Variants in PHLPP1 observed in about 807,000 individuals in gnomAD.
PHLPP1 encodes PH domain leucine-rich repeat-containing protein phosphatase 1.
Under a neutral mutation model 117.2 loss-of-function variants are expected in PHLPP1, and 42 were observed. That is an observed-to-expected ratio of 0.36 (90% CI 0.28 to 0.46). PHLPP1 has a LOEUF of 0.46. Among genes scored for constraint, PHLPP1 ranks in the 20% least tolerant of loss-of-function variants. The pLI, the probability that PHLPP1 is intolerant of heterozygous loss-of-function variation, is 1.00. For missense variants in PHLPP1, 2,084 were observed against 2,241.9 expected (o/e 0.93, Z 1.42); for synonymous variants, 1,042 against 970.7 (o/e 1.07, Z -1.37).
chr18:62,881,529 A>AGTT (rs1599100012), intron 4 of PHLPP1, among the ~76,000 whole-genome samples: 1 of 152,212 alleles, frequency 6.6e-6, no homozygotes, highest in East Asian at 1.9e-4. Context: ...TTTGTTTTCT[A>AGTT]GTTATATGAA....
At chr18:62,722,146 T>A (rs775965338) in intron 1 of PHLPP1, among the ~76,000 whole-genome samples, 3 of 152,212 alleles carry the variant, frequency 2.0e-5, no homozygotes, top group Non-Finnish European at 4.4e-5. Context: ...ATTAATATCT[T>A]CTATTTCACG....
chr18:62,766,075 AAATATAT>A lies in PHLPP1; in HGVS notation c.1576+48818_1576+48824del, dbSNP rs1462536005. ...GACTCCATCTCAAAAAAAAAAAAAAAAATATATATATATATATATATATATATAAAAT... is the reference window on the plus strand; with the variant it reads ...GACTCCATCTCAAAAAAAAAAAAAAAATATATATATATATATATATAAAAT... On this transcript the variant is annotated intron_variant, in intron 1 of 16. Coordinates refer to ENST00000262719, the MANE Select transcript of PHLPP1 (RefSeq NM_194449.4). 4.1e-3 allele frequency among the ~76,000 whole-genome samples: 204 copies of A among 49,578 alleles called. 2 individuals are homozygous for A. Among genetic ancestry groups the A allele is most frequent in the African/African-American group, 0.011 (181 of 16,790 alleles). The allele number at this position is 49,578 out of a possible 152,430, so 32.5% of individuals were successfully genotyped here. A position where few individuals can be genotyped will look rare whatever the true frequency, so the allele number is the denominator to read the frequency against.
intron 4 of PHLPP1, among the ~76,000 whole-genome samples, chr18:62,867,343 G>A (rs1381142943): frequency 2.6e-5 from 4 of 151,874 alleles, no homozygotes; most frequent in African/African-American, 9.7e-5. Context: ...ATTGTCTCAC[G>A]CCCCATCTAC....
At chr18:62,895,635 T>C (rs35890578) in intron 5 of PHLPP1, 146 bp from the exon 6 acceptor site, 47,470 of 612,618 alleles carry the variant, frequency 0.077, 2,263 homozygotes, top group Non-Finnish European at 0.096. Flanking sequence ...TTTGGTCCAT[T>C]ATTGCCTCAG....
chr18:62,875,612 C>T (rs145345578), intron 4 of PHLPP1, among the ~76,000 whole-genome samples: 130 of 152,152 alleles, frequency 8.5e-4, no homozygotes, highest in African/African-American at 3.0e-3. Flanking sequence ...CATAAATGAA[C>T]GCACTCTTGA....
At chr18:62,771,755 C>T (rs1477602305) in intron 1 of PHLPP1, among the ~76,000 whole-genome samples, 1 of 152,194 alleles carries the variant, frequency 6.6e-6, no homozygotes, top group Non-Finnish European at 1.5e-5. Context: ...TTAGACATCT[C>T]TCTTTGATTT....
At chr18:62,787,230 T>G (rs1437385788) in intron 1 of PHLPP1, among the ~76,000 whole-genome samples, 1 of 152,070 alleles carries the variant, frequency 6.6e-6, no homozygotes, top group Non-Finnish European at 1.5e-5. Flanking sequence ...TATCTGTATA[T>G]GGTACACTCA....
chr18:62,838,825 C>A lies in PHLPP1; in HGVS notation c.1815C>A (p.Ser605Arg), dbSNP rs1164212882. ...AGCACCAACACTGTTTAGCATTTAGCTCCTCTGGACCCCAAAGCCAGACTT... is the reference window on the plus strand; with the variant it reads ...AGCACCAACACTGTTTAGCATTTAGATCCTCTGGACCCCAAAGCCAGACTT... Reference protein sequence around the residue: ...VKKHQHCLAFSSSGPQSQTYY... With the variant: ...VKKHQHCLAFRSSGPQSQTYY... Residue 605 changes from serine (S) to arginine (R), a missense_variant, in exon 3 of 17, where the codon AGC (serine) becomes AGA (arginine). Physicochemically the swap from Ser to Arg is moderately radical, Grantham distance 110. Transcript: ENST00000262719. 1 of 1,613,562 alleles carries A rather than the reference C, an allele frequency of 6.2e-7. No homozygotes were observed. Among genetic ancestry groups the A allele is most frequent in the Non-Finnish European group, 8.5e-7 (1 of 1,179,506 alleles).
At chr18:62,783,822 A>G (rs897652551) in intron 1 of PHLPP1, among the ~76,000 whole-genome samples, 1 of 152,164 alleles carries the variant, frequency 6.6e-6, no homozygotes, top group African/African-American at 2.4e-5. Flanking sequence ...CAGTCCACAT[A>G]ATGGAAGTAA....
At chr18:62,838,713 CAT>C (rs1264726901) in intron 2 of PHLPP1, 69 bp from the exon 3 acceptor site, 1 of 1,483,798 alleles carries the variant, frequency 6.7e-7, no homozygotes, top group East Asian at 2.3e-5. Flanking sequence ...TGATCAGAGG[CAT>C]AGTTAGTGAA....
intron 1 of PHLPP1, among the ~76,000 whole-genome samples, chr18:62,756,088 C>T (rs908312344): frequency 3.3e-5 from 5 of 149,630 alleles, no homozygotes; most frequent in African/African-American, 1.2e-4. Flanking sequence ...GAACATGCTA[C>T]ACTAGCTCAT....
At chr18:62,918,429 A>AATATATAT (rs34065978) in intron 9 of PHLPP1, among the ~76,000 whole-genome samples, 49 of 140,484 alleles carry the variant, frequency 3.5e-4, no homozygotes, top group Non-Finnish European at 6.1e-4. Flanking sequence ...GTAAAGGATA[A>AATATATAT]ATATATATAT....
intron 13 of PHLPP1, among the ~76,000 whole-genome samples, chr18:62,961,032 C>T (rs1421162566): frequency 6.6e-6 from 1 of 152,200 alleles, no homozygotes; most frequent in Non-Finnish European, 1.5e-5. Flanking sequence ...TGTGGTGGCT[C>T]ACGCCTGTAA....
At chr18:62,962,737 A>G (rs953228598) in intron 13 of PHLPP1, among the ~76,000 whole-genome samples, 22 of 152,166 alleles carry the variant, frequency 1.4e-4, no homozygotes, top group African/African-American at 5.3e-4. Flanking sequence ...AAATACATAC[A>G]GTTAACTTGT....
At chr18:62,760,056 C>T (rs1293829236) in intron 1 of PHLPP1, among the ~76,000 whole-genome samples, 1 of 152,054 alleles carries the variant, frequency 6.6e-6, no homozygotes, top group East Asian at 1.9e-4. Flanking sequence ...TAGTAGTGCC[C>T]CCAGAATACT....
At chr18:62,856,427 G>A (rs1043672630) in intron 3 of PHLPP1, among the ~76,000 whole-genome samples, 2 of 152,084 alleles carry the variant, frequency 1.3e-5, no homozygotes, top group Non-Finnish European at 2.9e-5. Context: ...CATGCCAAGT[G>A]TGCTCCTTTT....
intron 1 of PHLPP1, among the ~76,000 whole-genome samples, chr18:62,809,419 G>A (rs558043886): frequency 6.6e-6 from 1 of 152,316 alleles, no homozygotes; most frequent in African/African-American, 2.4e-5. Context: ...AAAGGTAACA[G>A]GCCAGGTGCG....
At chr18:62,929,099 CACTA>C (rs1286631253) in intron 10 of PHLPP1, among the ~76,000 whole-genome samples, 1 of 152,002 alleles carries the variant, frequency 6.6e-6, no homozygotes, top group Admixed American at 6.6e-5. Flanking sequence ...ACTAAAAAAT[CACTA>C]AGTCACACAA....
At chr18:62,816,342 G>C (rs1442111842) in intron 1 of PHLPP1, among the ~76,000 whole-genome samples, 1 of 152,096 alleles carries the variant, frequency 6.6e-6, no homozygotes, top group Non-Finnish European at 1.5e-5. Flanking sequence ...GAGGTGGGCG[G>C]ATCATGAGGT....
Sources: gnomAD v4.1 joint callset for allele counts (sites outside exome capture counted in the v4.1 genomes callset) on GRCh38, gnomAD v4.1.1 for gene constraint, MANE v1.5 for transcripts, NCBI Gene and HGNC (gene_info 2026-07-23, HGNC 2026-07-21) for gene names.